The following XKR6 variants were observed in gnomAD, a reference collection of about 807,000 sequenced individuals.
The protein encoded by XKR6 is XK-related protein 6.
A neutral mutation model predicts 56.7 loss-of-function variants in XKR6; 22 were observed. That is an observed-to-expected ratio of 0.39 (90% CI 0.28 to 0.55). XKR6 has a LOEUF of 0.55. Ranked by LOEUF, XKR6 falls within the 20% of genes least tolerant of loss-of-function variation. The pLI is 0.66. For missense variants in XKR6, 852 were observed against 889.0 expected, an observed-to-expected ratio of 0.96 and a Z score of 0.53; for synonymous variants, 524 against 387.8, an observed-to-expected ratio of 1.35 and a Z score of -4.13.
rs114769827 is a variant in XKR6 at position 10,981,959 on chromosome 8, A to T, written c.765-57129T>A. Among the ~76,000 whole-genome samples the T allele has an allele frequency of 1.7e-3, 256 of 152,382 alleles. 2 individuals carry two copies. The highest frequency in any genetic ancestry group is 5.6e-3 in the African/African-American group (235 of 41,604). Reference sequence around the variant, plus strand: ...TGGATTAAGGCTATTCACAATTCCAATGGCTAGTTGCCTATATAAAACAAG... The same window carrying T: ...TGGATTAAGGCTATTCACAATTCCATTGGCTAGTTGCCTATATAAAACAAG... On this transcript the variant is annotated intron_variant, in intron 1 of 2. Coordinates refer to ENST00000416569, the MANE Select transcript of XKR6 (RefSeq NM_173683.4).
intron 1 of XKR6, chr8:11,106,515 G>A (rs1023101024): frequency 6.6e-6 from 1 of 152,244 alleles, no homozygotes. Context: ...GATGTCCAGT[G>A]GAGACAACTG....
chr8:11,006,676 G>A (rs73196884), intron 1 of XKR6, among the ~76,000 whole-genome samples: 47,696 of 151,952 alleles, frequency 0.31, 7,955 homozygotes, highest in Middle Eastern at 0.37. Flanking sequence ...AATAGCATGT[G>A]CAAAGGCTCA....
chr8:11,043,874 C>G (rs531389414), intron 1 of XKR6, among the ~76,000 whole-genome samples: 1 of 152,308 alleles, frequency 6.6e-6, no homozygotes, highest in Admixed American at 6.5e-5. Flanking sequence ...TGATAAGATA[C>G]CCAATTATAA....
chr8:10,920,653 C>T (rs914354719), intron 2 of XKR6, among the ~76,000 whole-genome samples: 1 of 152,138 alleles, frequency 6.6e-6, no homozygotes, highest in African/African-American at 2.4e-5. Context: ...ACTGGCATAA[C>T]AAAATTGTCT....
intron 1 of XKR6, among the ~76,000 whole-genome samples, chr8:10,939,310 C>T (rs1385167021): frequency 6.6e-6 from 1 of 152,226 alleles, no homozygotes; most frequent in Admixed American, 6.5e-5. Flanking sequence ...TCCCTCCTAA[C>T]GAATGTCTCT....
At chr8:11,147,611 G>A (rs541946452) in intron 1 of XKR6, among the ~76,000 whole-genome samples, 3 of 148,374 alleles carry the variant, frequency 2.0e-5, no homozygotes, top group Admixed American at 6.7e-5. Flanking sequence ...AGCCAAGATC[G>A]TGCCACTGCA....
At chr8:11,165,350 G>A (rs972572780) in intron 1 of XKR6, among the ~76,000 whole-genome samples, 5 of 151,878 alleles carry the variant, frequency 3.3e-5, no homozygotes, top group East Asian at 1.9e-4. Flanking sequence ...TGCCCACCTC[G>A]GCTTCCCAAA....
chr8:11,122,603 T>A (rs555649526), intron 1 of XKR6, among the ~76,000 whole-genome samples: 121 of 152,356 alleles, frequency 7.9e-4, no homozygotes, highest in African/African-American at 2.5e-3. Flanking sequence ...AAATAAGATA[T>A]TCTTTAGATA....
chr8:11,015,427 A>G (rs1471183483), intron 1 of XKR6, among the ~76,000 whole-genome samples: 1 of 152,112 alleles, frequency 6.6e-6, no homozygotes. Flanking sequence ...ACGTGTCTAA[A>G]CGCACTGGAG....
intron 2 of XKR6, among the ~76,000 whole-genome samples, chr8:10,911,627 A>T (rs1387051965): frequency 6.8e-6 from 1 of 147,376 alleles, no homozygotes; most frequent in Non-Finnish European, 1.5e-5. Context: ...GTAGACAGAG[A>T]GGGGGTGAGT....
At chr8:11,125,563 G>C (rs1268514080) in intron 1 of XKR6, among the ~76,000 whole-genome samples, 1 of 152,126 alleles carries the variant, frequency 6.6e-6, no homozygotes, top group Non-Finnish European at 1.5e-5. Flanking sequence ...ACCACCCAGA[G>C]AAGATCCTCA....
intron 1 of XKR6, among the ~76,000 whole-genome samples, chr8:10,965,986 A>G (rs1053077077): frequency 1.3e-5 from 2 of 152,140 alleles, no homozygotes; most frequent in South Asian, 2.1e-4. Context: ...CTGGGCTGAG[A>G]AGACTGAGCT....
At chr8:11,144,384 A>G (rs765538434) in intron 1 of XKR6, among the ~76,000 whole-genome samples, 5 of 151,182 alleles carry the variant, frequency 3.3e-5, no homozygotes, top group Non-Finnish European at 7.4e-5. Context: ...AGAGATGGTC[A>G]CATTTGAGAA....
At chr8:11,174,762 T>G (rs1223961864) in intron 1 of XKR6, among the ~76,000 whole-genome samples, 3 of 151,660 alleles carry the variant, frequency 2.0e-5, no homozygotes, top group Admixed American at 2.0e-4. Flanking sequence ...TCACCTGGAG[T>G]CTCGGGAGCA....
chr8:10,963,466 C>A lies in XKR6; in HGVS notation c.765-38636G>T, dbSNP rs753210035. On this transcript the variant is annotated intron_variant, in intron 1 of 2. Coordinates refer to ENST00000416569, the MANE Select transcript of XKR6 (RefSeq NM_173683.4). ...AGTCTTCCTGCTGTCACTGGGATGA[C>A]CAGACAATCCGGGCAGGAATTTTTG... is the stretch of plus-strand genomic sequence containing the variant. Among the ~76,000 whole-genome samples the A allele has an allele frequency of 3.9e-5, 6 of 152,182 alleles. No individual in the cohort carries two copies. In the South Asian group the frequency reaches 1.0e-3, roughly 26 times the overall value.
intron 1 of XKR6, among the ~76,000 whole-genome samples, chr8:10,990,662 C>G (rs575761470): frequency 2.0e-5 from 3 of 152,214 alleles, no homozygotes; most frequent in African/African-American, 4.8e-5. Context: ...TTACTGTAAC[C>G]TCAACTTCTC....
rs552208704 is a variant in XKR6 at position 10,921,056 on chromosome 8, G to A, written c.961+3578C>T. Among the ~76,000 whole-genome samples the A allele has an allele frequency of 2.0e-5, 3 of 152,386 alleles. No individual in the cohort carries two copies. In the South Asian group the frequency reaches 6.2e-4, roughly 32 times the overall value. ...GGGTCACTCCCAGCTCCTTTTCCAAGGGGTCTGCTCTTGGCAGCATGCCCA... is the reference window on the plus strand; with the variant it reads ...GGGTCACTCCCAGCTCCTTTTCCAAAGGGTCTGCTCTTGGCAGCATGCCCA... On this transcript the variant is annotated intron_variant, in intron 2 of 2. Coordinates refer to ENST00000416569, the MANE Select transcript of XKR6 (RefSeq NM_173683.4).
intron 1 of XKR6, among the ~76,000 whole-genome samples, chr8:10,967,361 G>A (rs1276741331): frequency 6.6e-6 from 1 of 152,174 alleles, no homozygotes; most frequent in Non-Finnish European, 1.5e-5. Flanking sequence ...ACACCTCCCA[G>A]AAAGCCTCAG....
At chr8:11,144,851 G>C (rs1222709456) in intron 1 of XKR6, among the ~76,000 whole-genome samples, 1 of 151,598 alleles carries the variant, frequency 6.6e-6, no homozygotes, top group Non-Finnish European at 1.5e-5. Flanking sequence ...GGAAGGGAAG[G>C]GAAGGGAGGG....
Sources: allele counts gnomAD v4.1 joint callset (sites outside exome capture counted in the v4.1 genomes callset), GRCh38; gene constraint gnomAD v4.1.1; transcripts MANE v1.5; gene names NCBI Gene and HGNC (gene_info 2026-07-23, HGNC 2026-07-21).